Variants in TXLNB observed in about 807,000 individuals in gnomAD.
The protein encoded by TXLNB is beta-taxilin.
TXLNB carries 37 observed loss-of-function variants against 57.4 expected under a neutral mutation model. The ratio of observed to expected loss-of-function variants is 0.64; its 90% CI spans 0.50 to 0.85. TXLNB has a LOEUF of 0.85. Among genes scored for constraint, TXLNB ranks in the 40% least tolerant of loss-of-function variants. The pLI is 0.00. For missense variants in TXLNB, 848 were observed against 825.6 expected (o/e 1.03, Z -0.33); for synonymous variants, 302 against 309.6 (o/e 0.98, Z 0.26).
the TXLNB span, among the ~76,000 whole-genome samples, chr6:139,220,697 A>G: frequency 1.3e-3 from 205 of 152,328 alleles, 1 homozygote; most frequent in Middle Eastern, 3.4e-3. Context: ...TCTTTGGCAC[A>G]TAGGATAAAA....
At chr6:139,270,386 C>A in intron 4 of TXLNB, 70 bp downstream of exon 4, 1 of 1,426,682 alleles carries the variant, frequency 7.0e-7, no homozygotes, top group Non-Finnish European at 9.6e-7. Flanking sequence ...ACACTCTTTC[C>A]ATGAGTAGCA....
the TXLNB span, among the ~76,000 whole-genome samples, chr6:139,297,857 G>T: frequency 2.6e-5 from 4 of 152,160 alleles, no homozygotes; most frequent in African/African-American, 9.7e-5. Flanking sequence ...ATCATCTCTT[G>T]GTTGTGGTAT....
chr6:139,268,260 T>C (rs1247944336), intron 4 of TXLNB, among the ~76,000 whole-genome samples: 1 of 151,642 alleles, frequency 6.6e-6, no homozygotes, highest in Non-Finnish European at 1.5e-5. Flanking sequence ...CTAATATTAA[T>C]GCTTCAAAGT....
At chr6:139,182,047 C>G in the TXLNB span, among the ~76,000 whole-genome samples, 1 of 152,188 alleles carries the variant, frequency 6.6e-6, no homozygotes, top group South Asian at 2.1e-4. Flanking sequence ...GCAAAGAAGT[C>G]TAATTGAACG....
chr6:139,235,107 G>A (rs1015346221), downstream of TXLNB, among the ~76,000 whole-genome samples: 2 of 152,168 alleles, frequency 1.3e-5, no homozygotes, highest in Non-Finnish European at 2.9e-5. Flanking sequence ...TTTGGAATAG[G>A]TGTATTCCCT....
At chr6:139,217,746 G>A in the TXLNB span, among the ~76,000 whole-genome samples, 4 of 151,734 alleles carry the variant, frequency 2.6e-5, no homozygotes, top group African/African-American at 7.3e-5. Context: ...GCAGTTGCCT[G>A]TGATCCCAGC....
the TXLNB span, among the ~76,000 whole-genome samples, chr6:139,299,901 T>C: frequency 6.6e-6 from 1 of 152,192 alleles, no homozygotes; most frequent in African/African-American, 2.4e-5. Flanking sequence ...AGATCCATGA[T>C]GTTTTACCAT....
the TXLNB span, among the ~76,000 whole-genome samples, chr6:139,168,113 C>T: frequency 6.6e-6 from 1 of 152,194 alleles, no homozygotes; most frequent in Non-Finnish European, 1.5e-5. Flanking sequence ...CCCAGACAAA[C>T]ATTTTCAAAT....
chr6:139,291,815 A>T (rs946681988), intron 1 of TXLNB, 106 bp downstream of exon 1: 13 of 152,184 alleles, frequency 8.5e-5, no homozygotes, highest in African/African-American at 3.1e-4. Context: ...AACAATGAAA[A>T]GTTCTCCAAC....
the TXLNB span, among the ~76,000 whole-genome samples, chr6:139,318,269 CAAA>C: frequency 1.2e-4 from 7 of 56,662 alleles, no homozygotes; most frequent in Admixed American, 1.8e-4. Context: ...GACTCTGTCT[CAAA>C]AAAAAAAAAA....
the TXLNB span, among the ~76,000 whole-genome samples, chr6:139,231,064 C>T: frequency 6.6e-6 from 1 of 152,066 alleles, no homozygotes; most frequent in South Asian, 2.1e-4. Flanking sequence ...CTGCACATAC[C>T]GGCACGTTTT....
At chr6:139,248,179 A>G (rs1776111153) in intron 7 of TXLNB, among the ~76,000 whole-genome samples, 1 of 152,036 alleles carries the variant, frequency 6.6e-6, no homozygotes, top group African/African-American at 2.4e-5. Context: ...GTTTGAGACC[A>G]GGAGAATGGC....
At chr6:139,283,576 CAAA>C (rs34392544) in intron 2 of TXLNB, among the ~76,000 whole-genome samples, 5 of 66,276 alleles carry the variant, frequency 7.5e-5, no homozygotes, top group Non-Finnish European at 7.2e-5. Flanking sequence ...AACTCCGTCT[CAAA>C]AAAAAAAAAA....
At position 139,288,641 on chromosome 6, in the gene TXLNB, C is replaced by T. The variant is rs1205056224; in HGVS notation, c.259G>A (p.Glu87Lys). 2 of 1,614,188 alleles carry T rather than the reference C, an allele frequency of 1.2e-6. No homozygotes were observed. Among genetic ancestry groups the T allele is most frequent in the Non-Finnish European group, 1.7e-6 (2 of 1,180,036 alleles). The change falls in exon 2 of 10, where the codon GAG (glutamate) becomes AAG (lysine). Residue 87 changes from glutamate to lysine, a missense_variant. By Grantham distance (56) the Glu-to-Lys change is moderately conservative. Transcript: ENST00000358430. Reference sequence around the variant, plus strand: ...GGTGATTCTGCATTCTCAGGCTGCTCACTGGCCCTGGCAGAGCCCTCTTTC... The same window carrying T: ...GGTGATTCTGCATTCTCAGGCTGCTTACTGGCCCTGGCAGAGCCCTCTTTC... The part of the protein sequence containing the change: ...AGKEGSARAS[E>K]QPENAESPDN...
At chr6:139,256,691 A>G (rs777372814) in intron 6 of TXLNB, among the ~76,000 whole-genome samples, 2 of 152,218 alleles carry the variant, frequency 1.3e-5, no homozygotes, top group South Asian at 4.1e-4. Context: ...CCACCATAGC[A>G]CACTTGATAC....
In TXLNB at chr6:139,288,691, T is replaced by C; in HGVS notation, c.209A>G (p.Tyr70Cys). The change falls in exon 2 of 10, where the codon TAT becomes TGT. Residue 70 changes from tyrosine to cysteine, a missense_variant. By Grantham distance (194) the Tyr-to-Cys change is radical. Transcript: ENST00000358430. ...NRQLEDIINT[Y>C]GSAASTAGKE... ...CCCTGCTGTGCTGGCAGCAGACCCA[T>C]AAGTGTTAATGATGTCTTCCAGCTG... The C allele has an allele frequency of 1.2e-6, 2 of 1,614,106 alleles. No homozygotes were observed. The highest frequency in any genetic ancestry group is 1.7e-6 in the Non-Finnish European group (2 of 1,180,014).
the TXLNB span, among the ~76,000 whole-genome samples, chr6:139,167,498 T>C: frequency 9.9e-5 from 15 of 152,226 alleles, no homozygotes; most frequent in Admixed American, 9.2e-4. Context: ...GATTTTTTAC[T>C]CTGATGTCAC....
At chr6:139,214,191 A>T in the TXLNB span, among the ~76,000 whole-genome samples, 1 of 152,190 alleles carries the variant, frequency 6.6e-6, no homozygotes, top group African/African-American at 2.4e-5. Context: ...AGAATTTTAG[A>T]CCAATATCCT....
chr6:139,160,707 C>G, the TXLNB span, among the ~76,000 whole-genome samples: 1 of 152,184 alleles, frequency 6.6e-6, no homozygotes, highest in Non-Finnish European at 1.5e-5. Flanking sequence ...AGCCACTGTG[C>G]CTGGCCATAC....
Sources: gnomAD v4.1 joint callset for allele counts (sites outside exome capture counted in the v4.1 genomes callset) on GRCh38, gnomAD v4.1.1 for gene constraint, MANE v1.5 for transcripts, NCBI Gene and HGNC (gene_info 2026-07-23, HGNC 2026-07-21) for gene names.